The following ANXA8 variants were observed in gnomAD, a reference collection of about 807,000 sequenced individuals.
The protein encoded by ANXA8 is annexin A8, also known as VAC-beta.
A neutral mutation model predicts 26.8 loss-of-function variants in ANXA8; 9 were observed. That is an observed-to-expected ratio of 0.34 (90% confidence interval 0.20 to 0.59). The LOEUF is 0.59. ANXA8 is among the 20% of genes least tolerant of loss of function. The pLI, the probability that ANXA8 is intolerant of heterozygous loss-of-function variation, is 0.84. For missense variants in ANXA8, 83 were observed against 238.5 expected (o/e 0.35, Z 4.29); for synonymous variants, 39 against 94.8 (o/e 0.41, Z 3.42).
chr10:47,733,209 CTTTCTT>C, the ANXA8 span, among the ~76,000 whole-genome samples: 14 of 64,018 alleles, frequency 2.2e-4, no homozygotes, highest in East Asian at 1.1e-3. Flanking sequence ...TTCTTTCTTT[CTTTCTT>C]TCTTTCTCTT....
the ANXA8 span, among the ~76,000 whole-genome samples, chr10:47,655,925 C>A: frequency 1.4e-4 from 21 of 152,094 alleles, no homozygotes; most frequent in Admixed American, 8.5e-4. Context: ...GAGGCTGAGG[C>A]AGGAGAATCG....
At chr10:47,771,973 C>T in the ANXA8 span, among the ~76,000 whole-genome samples, 2 of 151,608 alleles carry the variant, frequency 1.3e-5, no homozygotes, top group African/African-American at 4.9e-5. Context: ...GGGCTTACAC[C>T]ATAAGAAGAT....
At chr10:47,476,445 G>A (rs1839542204) in intron 4 of ANXA8, 123 bp from the exon 5 acceptor site, 3 of 1,098,594 alleles carry the variant, frequency 2.7e-6, no homozygotes, top group African/African-American at 1.7e-5. Context: ...CACTTGAAGT[G>A]GGAGGATGTG....
the ANXA8 span, among the ~76,000 whole-genome samples, chr10:47,974,996 T>A: frequency 6.7e-6 from 1 of 149,936 alleles, no homozygotes; most frequent in African/African-American, 2.4e-5. Flanking sequence ...AAGGGCCACA[T>A]CACTTGGCAT....
the ANXA8 span, among the ~76,000 whole-genome samples, chr10:47,649,656 C>T: frequency 2.0e-5 from 3 of 151,330 alleles, no homozygotes; most frequent in South Asian, 2.1e-4. Context: ...ATCTGCCCAC[C>T]GTGGCCTCCC....
chr10:47,504,004 C>T, the ANXA8 span, among the ~76,000 whole-genome samples: 7 of 115,548 alleles, frequency 6.1e-5, no homozygotes, highest in East Asian at 7.9e-4. Context: ...TATTTACTCA[C>T]ACTAGCTCAC....
chr10:47,499,858 G>C, the ANXA8 span, among the ~76,000 whole-genome samples: 1 of 138,796 alleles, frequency 7.2e-6, no homozygotes, highest in Non-Finnish European at 1.5e-5. Flanking sequence ...CACCTCCTGG[G>C]CTCAAGTGAT....
At chr10:47,585,581 G>A in the ANXA8 span, among the ~76,000 whole-genome samples, 1 of 146,238 alleles carries the variant, frequency 6.8e-6, no homozygotes, top group South Asian at 2.2e-4. Flanking sequence ...CACCTGCTGA[G>A]GGGCTGGGGG....
the ANXA8 span, among the ~76,000 whole-genome samples, chr10:47,739,966 G>A: frequency 1.7e-5 from 1 of 58,080 alleles, no homozygotes; most frequent in Non-Finnish European, 3.6e-5. Flanking sequence ...AATTAGCCAG[G>A]CATGGTGACA....
At chr10:47,684,747 A>T in the ANXA8 span, among the ~76,000 whole-genome samples, 1 of 151,160 alleles carries the variant, frequency 6.6e-6, no homozygotes, top group African/African-American at 2.4e-5. Context: ...CACCACTCCA[A>T]GCTAATTTTT....
chr10:47,679,505 C>T, the ANXA8 span, among the ~76,000 whole-genome samples: 2 of 151,984 alleles, frequency 1.3e-5, no homozygotes, highest in Non-Finnish European at 2.9e-5. Flanking sequence ...ATCCCACTTA[C>T]TTGGGAGGCT....
the ANXA8 span, among the ~76,000 whole-genome samples, chr10:47,700,332 G>A: frequency 1.3e-5 from 2 of 151,878 alleles, no homozygotes; most frequent in Non-Finnish European, 2.9e-5. Flanking sequence ...AGAGTAAGAA[G>A]ATTAGAATTA....
chr10:47,680,370 C>T, the ANXA8 span, among the ~76,000 whole-genome samples: 1 of 151,858 alleles, frequency 6.6e-6, no homozygotes, highest in Non-Finnish European at 1.5e-5. Flanking sequence ...CGTGGTGGCT[C>T]ATGCTGGTAA....
the ANXA8 span, among the ~76,000 whole-genome samples, chr10:47,521,469 C>T: frequency 3.6e-5 from 5 of 139,966 alleles, no homozygotes; most frequent in Non-Finnish European, 7.7e-5. Context: ...AATTATCCTA[C>T]CTCTTTAAAA....
the ANXA8 span, among the ~76,000 whole-genome samples, chr10:47,535,189 T>G: frequency 6.2e-5 from 8 of 129,318 alleles, no homozygotes; most frequent in East Asian, 2.9e-4. Flanking sequence ...GGCCAGGCTG[T>G]TCTCAAACTC....
the ANXA8 span, among the ~76,000 whole-genome samples, chr10:47,693,430 C>T: frequency 5.3e-5 from 8 of 151,576 alleles, no homozygotes; most frequent in African/African-American, 1.9e-4. Context: ...GCTGGGACTA[C>T]AGGCGCCTGC....
the ANXA8 span, among the ~76,000 whole-genome samples, chr10:47,493,391 G>A: frequency 6.7e-6 from 1 of 148,958 alleles, no homozygotes; most frequent in African/African-American, 2.6e-5. Context: ...CCTGGGACAT[G>A]GCTGGTGGGA....
At chr10:47,493,577 G>T in the ANXA8 span, among the ~76,000 whole-genome samples, 1 of 150,088 alleles carries the variant, frequency 6.7e-6, no homozygotes, top group South Asian at 2.1e-4. Context: ...CCCTCCTCAT[G>T]AGCTCCCACC....
chr10:47,756,981 C>A, the ANXA8 span, among the ~76,000 whole-genome samples: 1 of 127,388 alleles, frequency 7.9e-6, no homozygotes, highest in East Asian at 2.3e-4. Context: ...TGGGTTAGAA[C>A]CCTCCGTAGG....
Sources: gnomAD v4.1 joint callset for allele counts (sites outside exome capture counted in the v4.1 genomes callset) on GRCh38, gnomAD v4.1.1 for gene constraint, MANE v1.5 for transcripts, NCBI Gene and HGNC (gene_info 2026-07-23, HGNC 2026-07-21) for gene names.